The following SBF2 variants were observed in gnomAD, a reference collection of about 807,000 sequenced individuals.
SBF2 encodes myotubularin-related protein 13.
A neutral mutation model predicts 225.2 loss-of-function variants in SBF2; 112 were observed. The ratio of observed to expected loss-of-function variants is 0.50; its 90% CI spans 0.43 to 0.58. The LOEUF (loss-of-function observed/expected upper bound fraction) is 0.58, where lower values mean the gene tolerates loss of function less well. Among genes scored for constraint, SBF2 ranks in the 20% least tolerant of loss-of-function variants. The pLI, the probability that SBF2 is intolerant of heterozygous loss-of-function variation, is 0.00. For missense variants in SBF2, 1,996 were observed against 2,206.2 expected, an observed-to-expected ratio of 0.90 and a Z score of 1.91; for synonymous variants, 763 against 773.3, an observed-to-expected ratio of 0.99 and a Z score of 0.22.
At chr11:10,223,547 T>A (rs915183467) in intron 1 of SBF2, among the ~76,000 whole-genome samples, 1 of 151,098 alleles carries the variant, frequency 6.6e-6, no homozygotes, top group Non-Finnish European at 1.5e-5. Flanking sequence ...ATACTGAAAG[T>A]TTATGTCATC....
At chr11:10,113,115 TC>T (rs1952957659) in intron 2 of SBF2, among the ~76,000 whole-genome samples, 1 of 151,978 alleles carries the variant, frequency 6.6e-6, no homozygotes, top group Admixed American at 6.6e-5. Flanking sequence ...CACATCAGCC[TC>T]CCAAGTAGCT....
At chr11:10,295,956 A>G (rs1305643551), upstream of SBF2, among the ~76,000 whole-genome samples, 4 of 152,200 alleles carry the variant, frequency 2.6e-5, 1 homozygote, top group African/African-American at 9.7e-5. Context: ...GTACATTCCC[A>G]ATGCTGTACA....
intron 2 of SBF2, among the ~76,000 whole-genome samples, chr11:10,063,674 T>C (rs1257352423): frequency 1.3e-5 from 2 of 151,732 alleles, no homozygotes; most frequent in African/African-American, 4.8e-5. Flanking sequence ...TTTTAAAAGT[T>C]AGAAATTATA....
At chr11:9,924,100 A>T (rs1863841284) in intron 16 of SBF2, among the ~76,000 whole-genome samples, 1 of 152,222 alleles carries the variant, frequency 6.6e-6, no homozygotes. Flanking sequence ...TGAGCATGGG[A>T]TTCTAGAGCA....
chr11:10,047,910 C>T (rs184402725), intron 2 of SBF2, among the ~76,000 whole-genome samples: 21 of 152,242 alleles, frequency 1.4e-4, no homozygotes, highest in Admixed American at 3.3e-4. Flanking sequence ...TAGCTTCTCT[C>T]GCCCTCTCCA....
At chr11:9,860,099 C>T (rs1027047087) in intron 17 of SBF2, among the ~76,000 whole-genome samples, 20 of 152,244 alleles carry the variant, frequency 1.3e-4, no homozygotes, top group Admixed American at 1.0e-3. Flanking sequence ...TTTGTGAGTG[C>T]GTAAGCAGAA....
chr11:9,829,222 C>A (rs988788863), intron 28 of SBF2, 134 bp downstream of exon 28: 3 of 973,674 alleles, frequency 3.1e-6, no homozygotes, highest in East Asian at 4.8e-5. Context: ...AACTTATAAC[C>A]CTTCAGGGTA....
chr11:9,799,959 C>G (rs956425540), intron 32 of SBF2, among the ~76,000 whole-genome samples: 7 of 152,124 alleles, frequency 4.6e-5, no homozygotes, highest in South Asian at 2.1e-4. Context: ...AGCTGTTGGC[C>G]GGGCATAGTG....
At chr11:10,136,667 C>A (rs1167623796) in intron 2 of SBF2, among the ~76,000 whole-genome samples, 3 of 152,102 alleles carry the variant, frequency 2.0e-5, no homozygotes, top group East Asian at 1.9e-4. Flanking sequence ...TGGGACTGAG[C>A]CTTTAATCCG....
At chr11:10,047,672 T>C (rs1590833367) in intron 2 of SBF2, among the ~76,000 whole-genome samples, 1 of 152,192 alleles carries the variant, frequency 6.6e-6, no homozygotes, top group East Asian at 1.9e-4. Flanking sequence ...TTGCCTACCT[T>C]GTATGAGTCT....
chr11:9,850,361 T>C (rs921383511), intron 21 of SBF2, 143 bp from the exon 22 acceptor site: 2 of 767,788 alleles, frequency 2.6e-6, no homozygotes, highest in African/African-American at 1.7e-5. Context: ...GCTCAAAAGA[T>C]CCTCTGACCT....
At chr11:9,900,548 G>C (rs1861641961) in intron 16 of SBF2, among the ~76,000 whole-genome samples, 1 of 152,190 alleles carries the variant, frequency 6.6e-6, no homozygotes, top group African/African-American at 2.4e-5. Flanking sequence ...AGCAGCAGGG[G>C]CCACGTGCGT....
At chr11:10,201,877 TA>T (rs953605654) in intron 1 of SBF2, among the ~76,000 whole-genome samples, 1 of 152,034 alleles carries the variant, frequency 6.6e-6, no homozygotes, top group Non-Finnish European at 1.5e-5. Flanking sequence ...TCATCTCAAA[TA>T]AAAAAATGCA....
At chr11:10,072,702 C>CA (rs1165597252) in intron 2 of SBF2, among the ~76,000 whole-genome samples, 2 of 142,852 alleles carry the variant, frequency 1.4e-5, no homozygotes, top group Non-Finnish European at 3.1e-5. Context: ...TCTCAAAAAA[C>CA]AAAAAAATCC....
chr11:10,253,677 T>C (rs376385198), intron 1 of SBF2, among the ~76,000 whole-genome samples: 1 of 152,168 alleles, frequency 6.6e-6, no homozygotes, highest in Admixed American at 6.5e-5. Context: ...AATATCTCAA[T>C]TGCCCTGAGA....
At chr11:10,085,348 G>GT (rs1222459458) in intron 2 of SBF2, among the ~76,000 whole-genome samples, 1 of 151,922 alleles carries the variant, frequency 6.6e-6, no homozygotes, top group East Asian at 1.9e-4. Flanking sequence ...AAATTAAATT[G>GT]TTTTTTTCTG....
chr11:10,232,452 C>G (rs1958897925), intron 1 of SBF2, among the ~76,000 whole-genome samples: 1 of 152,166 alleles, frequency 6.6e-6, no homozygotes, highest in Non-Finnish European at 1.5e-5. Context: ...TTGGCTCCAC[C>G]CCTCAGTACA....
chr11:9,984,522 G>A (rs1421191565), intron 13 of SBF2, among the ~76,000 whole-genome samples: 1 of 152,070 alleles, frequency 6.6e-6, no homozygotes, highest in Non-Finnish European at 1.5e-5. Context: ...GAATAATTGA[G>A]GAAAACATCC....
chr11:10,281,292 A>G (rs2135560564), intron 1 of SBF2, among the ~76,000 whole-genome samples: 1 of 152,262 alleles, frequency 6.6e-6, no homozygotes, highest in South Asian at 2.1e-4. Context: ...GGCCTTACCT[A>G]CTTGGCCCAA....
Sources: allele counts gnomAD v4.1 joint callset (sites outside exome capture counted in the v4.1 genomes callset), GRCh38; gene constraint gnomAD v4.1.1; transcripts MANE v1.5; gene names NCBI Gene and HGNC (gene_info 2026-07-23, HGNC 2026-07-21).